PFAS: variants seen among roughly 807,000 people sequenced by gnomAD.
The protein encoded by PFAS is phosphoribosylformylglycinamidine synthase.
In PFAS, 97 loss-of-function variants were observed where a neutral mutation model predicts 140.6. The ratio of observed to expected loss-of-function variants is 0.69; its 90% CI spans 0.59 to 0.82. PFAS has a LOEUF of 0.82. PFAS is among the 40% of genes least tolerant of loss of function. PFAS has a pLI of 0.00. For missense variants in PFAS, 1,656 were observed against 1,780.2 expected (o/e 0.93, Z 1.26); for synonymous variants, 679 against 718.8 (o/e 0.94, Z 0.88).
At chr17:8,248,588 C>T (rs555070377), upstream of PFAS, among the ~76,000 whole-genome samples, 2 of 139,584 alleles carry the variant, frequency 1.4e-5, no homozygotes, top group African/African-American at 2.7e-5. Context: ...GACGAGGTCT[C>T]GCTCTATCGC....
intron 14 of PFAS, 27 bp downstream of exon 14, chr17:8,263,663 A>G: frequency 6.2e-7 from 1 of 1,611,052 alleles, no homozygotes; most frequent in Non-Finnish European, 8.5e-7. Context: ...GAAGTGTGAC[A>G]TTTTCCCACC....
At chr17:8,250,750 A>G (rs375470095) in intron 1 of PFAS, among the ~76,000 whole-genome samples, 22 of 152,298 alleles carry the variant, frequency 1.4e-4, no homozygotes, top group African/African-American at 5.3e-4. Context: ...TGCAGCAGAG[A>G]AAGAGGTTTA....
Position 8,251,501 on chromosome 17 carries a change from G to A in PFAS, c.-80+2162G>A, listed in dbSNP as rs767905937. Among the ~76,000 whole-genome samples the A allele has an allele frequency of 6.6e-5, 10 of 151,558 alleles. No individual in the cohort carries two copies. The East Asian group carries it at 1.6e-3, about 24-fold the overall frequency. On this transcript the variant is annotated intron_variant, in intron 1 of 27. Transcript: ENST00000314666. ...GGGTCTTACCATGTTGCCCAGGGCT[G>A]GTCTCAAACTCCTGGGCTCAAGCAG...
chr17:8,258,397 CTG>C (rs1415457533), intron 11 of PFAS, among the ~76,000 whole-genome samples, 198 bp downstream of exon 11: 2 of 152,186 alleles, frequency 1.3e-5, no homozygotes, highest in Admixed American at 1.3e-4. Context: ...ACTTCATAGA[CTG>C]TACATACACA....
intron 1 of PFAS, among the ~76,000 whole-genome samples, chr17:8,251,953 G>C (rs1347673945): frequency 6.6e-6 from 1 of 151,898 alleles, no homozygotes; most frequent in Non-Finnish European, 1.5e-5. Context: ...GATTACAGAT[G>C]TGAGCCACCA....
Position 8,263,615 on chromosome 17 carries a change from C to A in PFAS, c.1608C>A (p.Ile536=), listed in dbSNP as rs1360262886. 15 of 1,614,064 alleles carry A rather than the reference C, an allele frequency of 9.3e-6. No individual in the cohort carries two copies. Among genetic ancestry groups the A allele is most frequent in the Middle Eastern group, 1.7e-4 (1 of 6,058 alleles). Residue 536 remains isoleucine (I), a synonymous_variant, in exon 14 of 28, where the codon ATC becomes ATA. Transcript: ENST00000314666. The part of the protein sequence containing the change: ...LKELSDPAGA[I]IYTSRFQLGD... ...AGCTGAGTGACCCAGCTGGAGCCAT[C>A]ATTTACACCAGCCGCTTCCAGGTGG...
chr17:8,256,955 A>C lies in PFAS; in HGVS notation c.1067A>C (p.His356Pro), dbSNP rs1431174014. 1.2e-6 allele frequency: 2 copies of C among 1,614,166 alleles called. No individual in the cohort carries two copies. The highest frequency in any genetic ancestry group is 1.7e-6 in the Non-Finnish European group (2 of 1,180,014). The change falls in exon 9 of 28, where the codon CAT becomes CCT. Residue 356 changes from histidine (H) to proline (P), a missense_variant. Transcript: ENST00000314666. ...GCCGGCTATTGCTTTGGAAATCTGC[A>C]TATTCCAGGTTCCATCTCCTTCCTC... ...GTAGYCFGNL[H>P]IPGYNLPWED...
Position 8,266,694 on chromosome 17 carries a change from C to T in PFAS, c.2822-59C>T. On this transcript the variant is annotated intron_variant, in intron 22 of 27. Transcript: ENST00000314666. This position sits in a 1 kb window ranked among gnomAD's most constrained non-coding sequence, Gnocchi z 5.0. The stretch of plus-strand genomic sequence containing the variant: ...TGGCCCTTCCTGCATTTCCCTGATC[C>T]CGCCCCAACTCCCTTGGCCCTTCTT... 6.5e-7 allele frequency: 1 copy of T among 1,546,914 alleles called. No homozygotes were observed. Among genetic ancestry groups the T allele is most frequent in the South Asian group, 1.3e-5 (1 of 79,688 alleles).
intron 14 of PFAS, 54 bp from the exon 15 acceptor site, chr17:8,263,721 A>G (rs1361760905): frequency 6.2e-7 from 1 of 1,606,486 alleles, no homozygotes; most frequent in Non-Finnish European, 8.5e-7. Flanking sequence ...CAACAACATG[A>G]GACGTGGGAG....
At chr17:8,253,811 T>TTACA (rs765119454) in intron 1 of PFAS, 48 bp from the exon 2 acceptor site, 35 of 1,384,922 alleles carry the variant, frequency 2.5e-5, no homozygotes, top group Non-Finnish European at 3.2e-5. Flanking sequence ...AGTGCTGGGG[T>TTACA]TACAGATGTG....
At chr17:8,259,374 A>G (rs1989502560) in intron 11 of PFAS, among the ~76,000 whole-genome samples, 1 of 152,136 alleles carries the variant, frequency 6.6e-6, no homozygotes, top group Non-Finnish European at 1.5e-5. Context: ...GGGCTCAAGC[A>G]GTTCTCCTGC....
At position 8,267,490 on chromosome 17, in the gene PFAS, G is replaced by T. The variant is rs76920549; in HGVS notation, c.3267+27G>T. ...TGAGCAGGGTAGGGGGCAGCTGGGGGTGATTGTCCAGCCTCAGCTGCGTGT... is the reference window on the plus strand; with the variant it reads ...TGAGCAGGGTAGGGGGCAGCTGGGGTTGATTGTCCAGCCTCAGCTGCGTGT... On this transcript the variant is annotated intron_variant, in intron 25 of 27. Coordinates refer to ENST00000314666, the MANE Select transcript of PFAS (RefSeq NM_012393.3). The surrounding 1 kb of genome is among the most constrained non-coding windows in gnomAD (Gnocchi z 4.9). 24,100 of 1,600,488 alleles carry T rather than the reference G, an allele frequency of 0.015. 239 individuals are homozygous for T. The highest frequency in any genetic ancestry group is 0.036 in the Middle Eastern group (219 of 6,002).
intron 17 of PFAS, 38 bp from the exon 18 acceptor site, chr17:8,264,857 G>C (rs1428505502): frequency 7.1e-7 from 1 of 1,412,656 alleles, no homozygotes; most frequent in East Asian, 2.5e-5. Context: ...GGCTGTCCCT[G>C]TCCCTTGCTC....
intron 9 of PFAS, 59 bp from the exon 10 acceptor site, chr17:8,257,748 G>A (rs1386443269): frequency 1.9e-6 from 3 of 1,587,164 alleles, no homozygotes; most frequent in African/African-American, 1.3e-5. Flanking sequence ...GATGCAGGCT[G>A]CTCCGGCCTG....
rs765362546 is a variant in PFAS, at chr17:8,255,875, C to T, written c.645C>T (p.Ser215=). 139 of 1,613,894 alleles carry T rather than the reference C, an allele frequency of 8.6e-5. No homozygotes were observed. Among genetic ancestry groups the T allele is most frequent in the South Asian group, 8.3e-4 (76 of 91,080 alleles). Residue 215 remains serine (S), a synonymous_variant, in exon 6 of 28, where the codon AGC becomes AGT. Coordinates refer to ENST00000314666, the MANE Select transcript of PFAS (RefSeq NM_012393.3). ...TCCAGGAGCTACAGCGGAACCCGAG[C>T]ACTGTGGAGGCCTTTGACTTGGCGC... ...KRFQELQRNP[S]TVEAFDLAQS...
intron 1 of PFAS, among the ~76,000 whole-genome samples, chr17:8,253,219 TC>T (rs1989227347): frequency 2.0e-5 from 3 of 152,240 alleles, no homozygotes; most frequent in African/African-American, 7.2e-5. Context: ...TTGGCCTTTC[TC>T]CCCCAATAAA....
intron 3 of PFAS, 137 bp downstream of exon 3, chr17:8,254,438 A>G (rs1398338297): frequency 2.1e-6 from 2 of 953,040 alleles, no homozygotes; most frequent in Non-Finnish European, 3.2e-6. Context: ...CCATTTGGGT[A>G]GATCCCTCCA....
chr17:8,265,965 C>T lies in PFAS; in HGVS notation c.2649C>T (p.Asp883=), dbSNP rs749515687. The T allele has an allele frequency of 5.0e-6, 8 of 1,613,578 alleles. No individual in the cohort carries two copies. The African/African-American group carries it at 1.1e-4, about 22-fold the overall frequency. Reference sequence around the variant, plus strand: ...TTGGGGAACACCCTCCAGACCTGGACCTTCCTGAGAACTTGGTGCGGGCCT... The same window carrying T: ...TTGGGGAACACCCTCCAGACCTGGATCTTCCTGAGAACTTGGTGCGGGCCT... The part of the protein sequence containing the change: ...SQLGEHPPDL[D]LPENLVRAFS... The change falls in exon 21 of 28, where the codon GAC becomes GAT. Residue 883 remains aspartate, a synonymous_variant. Transcript: ENST00000314666.
rs746046246 is a variant in PFAS, at chr17:8,264,950, A to G, written c.2105A>G (p.Gln702Arg). Residue 702 changes from glutamine (Q) to arginine (R), a missense_variant, in exon 18 of 28, where the codon CAA (glutamine) becomes CGA (arginine). Around this residue, in one of 2 missense-constraint regions of PFAS, gnomAD observed 883 missense variants for 1,023.0 expected, o/e 0.86. Transcript: ENST00000314666. ...CAGCAGCAGTGCGTGGGGCCCCTGC[A>G]AACTCCTCTGGCAGATGTAGCGGTT... ...VAQQQCVGPLQTPLADVAVVA... is the reference protein window; with the variant it reads ...VAQQQCVGPLRTPLADVAVVA... 6.2e-7 allele frequency: 1 copy of G among 1,610,420 alleles called. No homozygotes were observed. The highest frequency in any genetic ancestry group is 1.1e-5 in the South Asian group (1 of 90,712).
Sources: gnomAD v4.1 joint callset for allele counts (sites outside exome capture counted in the v4.1 genomes callset) on GRCh38, gnomAD v4.1.1 for gene constraint, gnomAD v4.1.1 regional missense constraint, Gnocchi (gnomAD v3.1) non-coding constraint, MANE v1.5 for transcripts, NCBI Gene and HGNC (gene_info 2026-07-23, HGNC 2026-07-21) for gene names.